UBP1: variants seen among roughly 807,000 people sequenced by gnomAD.
The protein encoded by UBP1 is upstream binding protein 1.
Under a neutral mutation model 76.1 loss-of-function variants are expected in UBP1, and 22 were observed. That is an observed-to-expected ratio of 0.29 (90% CI 0.21 to 0.41). The LOEUF is 0.41. Among genes scored for constraint, UBP1 ranks in the 10% least tolerant of loss-of-function variants. The pLI, the probability that UBP1 is intolerant of heterozygous loss-of-function variation, is 1.00. For missense variants in UBP1, 436 were observed against 668.1 expected (o/e 0.65, Z 3.83); for synonymous variants, 224 against 237.1 (o/e 0.94, Z 0.51).
intron 11 of UBP1, among the ~76,000 whole-genome samples, chr3:33,398,843 G>C (rs751596325): frequency 6.6e-6 from 1 of 152,154 alleles, no homozygotes; most frequent in African/African-American, 2.4e-5. Flanking sequence ...CCATACAACA[G>C]TGCAAGACAA....
At position 33,408,679 on chromosome 3, in the gene UBP1, A is replaced by ACTT; in HGVS notation, c.927+10_927+11insAAG. The ACTT allele has an allele frequency of 4.4e-6, 7 of 1,605,016 alleles. No homozygotes were observed. Among genetic ancestry groups the ACTT allele is most frequent in the Non-Finnish European group, 5.9e-6 (7 of 1,176,514 alleles). Reference sequence around the variant, plus strand: ...TCTTGCACAATGAAAAGAGAAGCAGAAGTCCCTTACACTGCCTCGCTTTGC... The same window carrying ACTT: ...TCTTGCACAATGAAAAGAGAAGCAGACTTAGTCCCTTACACTGCCTCGCTTTGC... On this transcript the variant is annotated intron_variant, in intron 8 of 15. Transcript: ENST00000283629.
In UBP1 at chr3:33,427,475, T is replaced by C. The variant is rs114736639; in HGVS notation, c.114-1734A>G. 6.8e-3 allele frequency among the ~76,000 whole-genome samples: 1,042 copies of C among 152,374 alleles called. 10 individuals are homozygous for C. Among genetic ancestry groups the C allele is most frequent in the African/African-American group, 0.024 (996 of 41,588 alleles). Reference sequence around the variant, plus strand: ...AACAAAACATCAAATGAATAACTACTGTATCAACACCAATAATAGGGACTT... The same window carrying C: ...AACAAAACATCAAATGAATAACTACCGTATCAACACCAATAATAGGGACTT... On this transcript the variant is annotated intron_variant, in intron 1 of 15. Transcript: ENST00000283629.
chr3:33,418,123 A>G (rs1009005573), intron 2 of UBP1, among the ~76,000 whole-genome samples: 1 of 152,246 alleles, frequency 6.6e-6, no homozygotes, highest in Admixed American at 6.5e-5. Flanking sequence ...AATTTTCAAA[A>G]TGAAGAATAT....
chr3:33,392,755 C>T lies in UBP1; in HGVS notation c.1534-141G>A, dbSNP rs980331480. On this transcript the variant is annotated intron_variant, in intron 14 of 15. Coordinates refer to ENST00000283629, the MANE Select transcript of UBP1 (RefSeq NM_014517.5). ...GATAATTCATGAAGGCAGTGTGAGG[C>T]AGCAAAGATGCACACGTGCTGCACT... The T allele has an allele frequency of 2.2e-5, 16 of 731,056 alleles. 1 individual carries two copies. The highest frequency in any genetic ancestry group is 3.5e-5 in the Non-Finnish European group (16 of 452,740). The allele number at this position is 731,056 out of a possible 1,614,324, so 45.3% of individuals were successfully genotyped here.
intron 2 of UBP1, among the ~76,000 whole-genome samples, chr3:33,423,774 G>C (rs1445638739): frequency 6.6e-6 from 1 of 152,176 alleles, no homozygotes; most frequent in African/African-American, 2.4e-5. Context: ...ATCTCTCCTA[G>C]AGTTACTGTG....
intron 2 of UBP1, among the ~76,000 whole-genome samples, chr3:33,422,957 T>C (rs1468424271): frequency 6.6e-6 from 1 of 152,104 alleles, no homozygotes; most frequent in African/African-American, 2.4e-5. Flanking sequence ...TATATGATAC[T>C]CATATAGGTA....
At chr3:33,404,798 A>G (rs2044373214) in intron 8 of UBP1, among the ~76,000 whole-genome samples, 1 of 152,232 alleles carries the variant, frequency 6.6e-6, no homozygotes, top group Admixed American at 6.5e-5. Context: ...TCACATAAAA[A>G]TGTCCCTGGG....
In UBP1 at chr3:33,397,137, TAG is replaced by T. The variant is rs748534684; in HGVS notation, c.1181-4_1181-3del. 4.4e-6 allele frequency: 7 copies of T among 1,574,886 alleles called. No individual in the cohort carries two copies. The East Asian group carries it at 1.6e-4, about 35-fold the overall frequency. On this transcript the variant is annotated splice_polypyrimidine_tract_variant and splice_region_variant and intron_variant, in intron 11 of 15. Transcript: ENST00000283629. ...TTGTCAGTTTTAATAAGTCGGCACCTAGAGAAGAGCAAAAATATTTTTCTCAA... is the reference window on the plus strand; with the variant it reads ...TTGTCAGTTTTAATAAGTCGGCACCTAGAAGAGCAAAAATATTTTTCTCAA...
chr3:33,413,878 G>A (rs890753508), intron 3 of UBP1, among the ~76,000 whole-genome samples: 1 of 152,204 alleles, frequency 6.6e-6, no homozygotes, highest in Non-Finnish European at 1.5e-5. Context: ...GCATAGGCTA[G>A]TGGTGGCCCC....
chr3:33,431,356 G>A (rs1411027855), intron 1 of UBP1, among the ~76,000 whole-genome samples: 1 of 152,106 alleles, frequency 6.6e-6, no homozygotes, highest in Non-Finnish European at 1.5e-5. Context: ...ACCAATTCAT[G>A]GATTCAAGAA....
chr3:33,439,381 TAC>T (rs1247870232), intron 1 of UBP1, among the ~76,000 whole-genome samples: 1 of 152,268 alleles, frequency 6.6e-6, no homozygotes, highest in Non-Finnish European at 1.5e-5. Flanking sequence ...TGCCTTTTCG[TAC>T]AGTGTATTCT....
chr3:33,412,980 A>T (rs1399161005), intron 3 of UBP1, among the ~76,000 whole-genome samples, 153 bp from the exon 4 acceptor site: 1 of 152,244 alleles, frequency 6.6e-6, no homozygotes, highest in Non-Finnish European at 1.5e-5. Flanking sequence ...TTGCCCTTGG[A>T]TACCTGGATT....
chr3:33,388,931 A>T lies in UBP1; in HGVS notation c.*1400T>A, dbSNP rs2043640723. 6.6e-6 allele frequency: 1 copy of T among 152,192 alleles called. No homozygotes were observed. 9.4% of individuals were successfully genotyped at this position (152,192 alleles called of 1,614,324 possible). A position where few individuals can be genotyped will look rare whatever the true frequency, so the allele number is the denominator to read the frequency against. On this transcript the variant is annotated 3_prime_UTR_variant, in exon 16 of 16. Transcript: ENST00000283629. ...TATTTTTTGCCTGAACACAATGAGG[A>T]TCAAATAGTACATTCAAATCAGGAC... is the stretch of plus-strand genomic sequence containing the variant.
Position 33,440,003 on chromosome 3 carries a change from G to T in UBP1, c.-155C>A. On this transcript the variant is annotated 5_prime_UTR_variant, in exon 1 of 16. Transcript: ENST00000283629. ...GGCGGCCGGGACGAGAGCTGCGGGG[G>T]CCCCACTGGCAGGGCACGACGAGCC... 1 of 705,108 alleles carries T rather than the reference G, an allele frequency of 1.4e-6. No homozygotes were observed. The highest frequency in any genetic ancestry group is 2.2e-6 in the Non-Finnish European group (1 of 458,096). The allele number at this position is 705,108 out of a possible 1,614,324, so 43.7% of individuals were successfully genotyped here. A position where few individuals can be genotyped will look rare whatever the true frequency, so the allele number is the denominator to read the frequency against.
Position 33,433,366 on chromosome 3 carries a change from A to T in UBP1, c.113+6370T>A, listed in dbSNP as rs78558994. Reference sequence around the variant, plus strand: ...GTGAGCCACCGCGCACCCAGCCTTTAAAAAAAAAAAAAAAAAAAAAAAAGA... The same window carrying T: ...GTGAGCCACCGCGCACCCAGCCTTTTAAAAAAAAAAAAAAAAAAAAAAAGA... On this transcript the variant is annotated intron_variant, in intron 1 of 15. Transcript: ENST00000283629. 8.9e-3 allele frequency among the ~76,000 whole-genome samples: 350 copies of T among 39,408 alleles called. 15 individuals are homozygous for T. The highest frequency in any genetic ancestry group is 0.086 in the East Asian group (13 of 152). The allele number at this position is 39,408 out of a possible 152,430, so 25.9% of individuals were successfully genotyped here. A position where few individuals can be genotyped will look rare whatever the true frequency, so the allele number is the denominator to read the frequency against.
intron 2 of UBP1, among the ~76,000 whole-genome samples, chr3:33,420,477 C>T (rs1279709326): frequency 2.7e-5 from 4 of 150,060 alleles, no homozygotes. Flanking sequence ...AGGTGTGTGC[C>T]ACCATACTGG....
chr3:33,430,051 A>C (rs2045087147), intron 1 of UBP1, among the ~76,000 whole-genome samples: 1 of 152,244 alleles, frequency 6.6e-6, no homozygotes, highest in Non-Finnish European at 1.5e-5. Context: ...CAGGCTAAGT[A>C]ATTTAAATGA....
intron 5 of UBP1, among the ~76,000 whole-genome samples, chr3:33,410,578 A>T (rs1156452573): frequency 6.6e-6 from 1 of 152,270 alleles, no homozygotes; most frequent in Non-Finnish European, 1.5e-5. Context: ...AAGGCTGGTC[A>T]GCAAGTAAGT....
At chr3:33,425,879 A>T (rs1362471233) in intron 1 of UBP1, 138 bp from the exon 2 acceptor site, 215 of 522,176 alleles carry the variant, frequency 4.1e-4, no homozygotes, top group Non-Finnish European at 5.3e-4. Flanking sequence ...TTTTTTTAAG[A>T]TCAGAAATTA....
Sources: gnomAD v4.1 joint callset for allele counts (sites outside exome capture counted in the v4.1 genomes callset) on GRCh38, gnomAD v4.1.1 for gene constraint, MANE v1.5 for transcripts, NCBI Gene and HGNC (gene_info 2026-07-23, HGNC 2026-07-21) for gene names.